The following GRM8 variants were observed in gnomAD, a reference collection of about 807,000 sequenced individuals.
The protein encoded by GRM8 is glutamate metabotropic receptor 8.
Under a neutral mutation model 87.2 loss-of-function variants are expected in GRM8, and 47 were observed. That is an observed-to-expected ratio of 0.54 (90% CI 0.43 to 0.69). The LOEUF (loss-of-function observed/expected upper bound fraction) is 0.69, where lower values mean the gene tolerates loss of function less well. GRM8 is among the 30% of genes least tolerant of loss of function. The pLI, the probability that GRM8 is intolerant of heterozygous loss-of-function variation, is 0.00. For missense variants in GRM8, 1,019 were observed against 1,139.2 expected (o/e 0.89, Z 1.52); for synonymous variants, 396 against 404.5 (o/e 0.98, Z 0.25).
intron 2 of GRM8, among the ~76,000 whole-genome samples, chr7:127,212,159 G>A (rs1796246124): frequency 6.6e-6 from 1 of 152,140 alleles, no homozygotes; most frequent in Admixed American, 6.5e-5. Context: ...GTGTTTTTAA[G>A]GACAGAAATA....
At chr7:127,124,194 ATTT>A (rs1827238413) in intron 2 of GRM8, among the ~76,000 whole-genome samples, 1 of 152,146 alleles carries the variant, frequency 6.6e-6, no homozygotes, top group Non-Finnish European at 1.5e-5. Flanking sequence ...AAACTTTAAA[ATTT>A]CAACTAAGTA....
chr7:126,839,603 G>A (rs542039380), intron 6 of GRM8, among the ~76,000 whole-genome samples: 2 of 152,268 alleles, frequency 1.3e-5, no homozygotes, highest in South Asian at 2.1e-4. Context: ...ACGAGAAAAC[G>A]ATGACCTGGG....
chr7:126,835,918 G>C (rs1276785737), intron 6 of GRM8, among the ~76,000 whole-genome samples: 1 of 152,166 alleles, frequency 6.6e-6, no homozygotes, highest in Non-Finnish European at 1.5e-5. Context: ...CAGAATACTT[G>C]TTCAACATCT....
chr7:126,877,969 A>G (rs964496276), intron 6 of GRM8, among the ~76,000 whole-genome samples: 1 of 152,182 alleles, frequency 6.6e-6, no homozygotes, highest in Admixed American at 6.5e-5. Context: ...TTCACGTTAA[A>G]GAAACTGGGA....
intron 7 of GRM8, among the ~76,000 whole-genome samples, chr7:126,676,960 A>G (rs1807024276): frequency 6.6e-6 from 1 of 152,200 alleles, no homozygotes; most frequent in Non-Finnish European, 1.5e-5. Context: ...TTTGCAAACT[A>G]TACAATGACC....
At chr7:127,119,513 CACAT>C (rs1826905085) in intron 2 of GRM8, among the ~76,000 whole-genome samples, 2 of 151,568 alleles carry the variant, frequency 1.3e-5, no homozygotes, top group Non-Finnish European at 2.9e-5. Flanking sequence ...CACACACACA[CACAT>C]GCACACACAC....
chr7:126,938,020 G>C (rs1416249027), intron 3 of GRM8, among the ~76,000 whole-genome samples: 1 of 152,068 alleles, frequency 6.6e-6, no homozygotes, highest in Non-Finnish European at 1.5e-5. Context: ...TTTAGATAAG[G>C]AACTACCAGA....
chr7:126,810,718 C>T (rs142002376), intron 6 of GRM8, among the ~76,000 whole-genome samples: 286 of 152,234 alleles, frequency 1.9e-3, no homozygotes, highest in African/African-American at 5.3e-3. Flanking sequence ...GGAAACTTTA[C>T]AATTATCTTA....
At chr7:127,073,224 T>A (rs1414243765) in intron 3 of GRM8, among the ~76,000 whole-genome samples, 1 of 152,066 alleles carries the variant, frequency 6.6e-6, no homozygotes, top group African/African-American at 2.4e-5. Flanking sequence ...CCAGGAAGGA[T>A]CAGCCACACA....
At chr7:126,754,238 G>A (rs1816758709) in intron 7 of GRM8, among the ~76,000 whole-genome samples, 1 of 151,746 alleles carries the variant, frequency 6.6e-6, no homozygotes, top group African/African-American at 2.4e-5. Context: ...TTCCCATGGG[G>A]CCATTCAGAA....
chr7:126,882,771 C>CAA (rs3993601), intron 6 of GRM8, among the ~76,000 whole-genome samples: 9,705 of 152,064 alleles, frequency 0.064, 650 homozygotes, highest in African/African-American at 0.17. Flanking sequence ...GTTGTGGCCA[C>CAA]ATTTGGAGCC....
intron 8 of GRM8, among the ~76,000 whole-genome samples, chr7:126,603,767 G>A (rs1252637888): frequency 6.6e-6 from 1 of 152,014 alleles, no homozygotes; most frequent in Non-Finnish European, 1.5e-5. Context: ...GTGTATATAT[G>A]TATCATAGGA....
At chr7:126,632,953 T>A (rs1801489432) in intron 7 of GRM8, among the ~76,000 whole-genome samples, 6 of 152,206 alleles carry the variant, frequency 3.9e-5, no homozygotes, top group Non-Finnish European at 1.5e-5. Context: ...CAAAATTAGA[T>A]TATTTTTGTT....
chr7:126,717,215 G>T lies in GRM8; in HGVS notation c.1357+52650C>A, dbSNP rs184155963. ...AATCTATGGCCCTCAGGCAACTCTG[G>T]ATAGGGAAGAGAGAGAAAGTATGGA... On this transcript the variant is annotated intron_variant, in intron 7 of 10. Transcript: ENST00000339582. Among the ~76,000 whole-genome samples the T allele has an allele frequency of 2.0e-5, 3 of 151,234 alleles. No individual in the cohort carries two copies. In the East Asian group the frequency reaches 5.8e-4, roughly 29 times the overall value.
At chr7:127,060,244 T>C (rs1690057746) in intron 3 of GRM8, among the ~76,000 whole-genome samples, 1 of 152,176 alleles carries the variant, frequency 6.6e-6, no homozygotes, top group Non-Finnish European at 1.5e-5. Flanking sequence ...AGCAATTATT[T>C]AAACTTGATA....
chr7:127,116,515 C>G (rs1230016083), intron 2 of GRM8, among the ~76,000 whole-genome samples: 5 of 152,120 alleles, frequency 3.3e-5, no homozygotes, highest in Admixed American at 3.3e-4. Context: ...AATAATCAAC[C>G]AAATAAACAT....
intron 3 of GRM8, among the ~76,000 whole-genome samples, chr7:127,058,919 G>A (rs1820291506): frequency 6.6e-6 from 1 of 152,216 alleles, no homozygotes; most frequent in Non-Finnish European, 1.5e-5. Flanking sequence ...GTCAGTGTGT[G>A]ACCTCTCTTT....
intron 3 of GRM8, among the ~76,000 whole-genome samples, chr7:126,906,635 G>C (rs1423161808): frequency 6.6e-6 from 1 of 152,194 alleles, no homozygotes; most frequent in Non-Finnish European, 1.5e-5. Flanking sequence ...AAGAAGAAAC[G>C]TCTGGTAGCC....
chr7:127,155,915 T>C (rs1328039632), intron 2 of GRM8, among the ~76,000 whole-genome samples: 1 of 152,102 alleles, frequency 6.6e-6, no homozygotes, highest in Non-Finnish European at 1.5e-5. Context: ...AAGGCTAAAC[T>C]TGTGGCTCAG....
Sources: allele counts gnomAD v4.1 joint callset (sites outside exome capture counted in the v4.1 genomes callset), GRCh38; gene constraint gnomAD v4.1.1; transcripts MANE v1.5; gene names NCBI Gene and HGNC (gene_info 2026-07-23, HGNC 2026-07-21).